The following SOX5 variants were observed in gnomAD, a reference collection of about 807,000 sequenced individuals.
The protein encoded by SOX5 is SRY-box transcription factor 5, also known as transcription factor SOX-5.
In SOX5, 9 loss-of-function variants were observed where a neutral mutation model predicts 92.0. The observed-to-expected ratio is 0.10, with a 90% confidence interval of 0.06 to 0.17. SOX5 has a LOEUF of 0.17. SOX5 is among the 10% of genes least tolerant of loss of function. The pLI is 1.00. For synonymous variants in SOX5, 344 were observed against 336.3 expected (o/e 1.02, Z -0.25); for missense variants, 642 against 944.5 (o/e 0.68, Z 4.20).
At chr12:24,242,995 A>G (rs1255647281) in intron 3 of SOX5, among the ~76,000 whole-genome samples, 1 of 142,004 alleles carries the variant, frequency 7.0e-6, no homozygotes, top group East Asian at 2.0e-4. Context: ...CAACAATTTT[A>G]AGTGAGTGAA....
chr12:24,252,449 A>G (rs554835697), intron 3 of SOX5, among the ~76,000 whole-genome samples: 2 of 152,206 alleles, frequency 1.3e-5, no homozygotes, highest in South Asian at 2.1e-4. Context: ...GAATGAAAAG[A>G]TTCGCTTTGG....
At chr12:24,225,501 T>TA (rs1961712815) in intron 3 of SOX5, among the ~76,000 whole-genome samples, 1 of 151,294 alleles carries the variant, frequency 6.6e-6, no homozygotes, top group South Asian at 2.1e-4. Flanking sequence ...TTTCCCCACT[T>TA]AGAGTTACAT....
chr12:23,727,780 G>T (rs1028759030), intron 6 of SOX5, among the ~76,000 whole-genome samples: 1 of 152,116 alleles, frequency 6.6e-6, no homozygotes, highest in Non-Finnish European at 1.5e-5. Flanking sequence ...ATACTAGGAG[G>T]AAGATTTTAA....
intron 9 of SOX5, among the ~76,000 whole-genome samples, chr12:23,585,891 G>A (rs1441858822): frequency 1.3e-5 from 2 of 152,094 alleles, no homozygotes; most frequent in African/African-American, 4.8e-5. Context: ...CAACGGCCAG[G>A]TAAACCCCAT....
chr12:23,846,068 A>G lies in SOX5; in HGVS notation c.396T>C (p.Pro132=), dbSNP rs143864592. 29 of 1,614,006 alleles carry G rather than the reference A, an allele frequency of 1.8e-5. No homozygotes were observed. Among genetic ancestry groups the G allele is most frequent in the South Asian group, 2.2e-5 (2 of 91,090 alleles). ...CAGCTAAACTGCCCTTGCGCCGTTCAGGAGTTCCCAGGGCTGTACTAGACA... is the reference window on the plus strand; with the variant it reads ...CAGCTAAACTGCCCTTGCGCCGTTCGGGAGTTCCCAGGGCTGTACTAGACA... The part of the protein sequence containing the change: ...ESLSSTALGT[P]ERRKGSLADV... Residue 132 remains proline, a synonymous_variant, in exon 3 of 15, where the codon CCT becomes CCC. Transcript: ENST00000451604.
chr12:24,552,978 G>A (rs1281683940), intron 1 of SOX5, among the ~76,000 whole-genome samples: 1 of 152,220 alleles, frequency 6.6e-6, no homozygotes, highest in Non-Finnish European at 1.5e-5. Flanking sequence ...GCTGCAGTGA[G>A]CCATGATTGT....
At chr12:23,949,748 CTCTCCCT>C, upstream of SOX5, 2 of 974,574 alleles carry the variant, frequency 2.1e-6, no homozygotes, top group Non-Finnish European at 1.5e-6. Context: ...CTCTCTCTCT[CTCTCCCT>C]CTCTCTCTCT....
At chr12:23,847,370 T>C (rs1387331180) in intron 2 of SOX5, among the ~76,000 whole-genome samples, 1 of 152,186 alleles carries the variant, frequency 6.6e-6, no homozygotes, top group Non-Finnish European at 1.5e-5. Context: ...ATTTCTTCTC[T>C]ACCTATTTGA....
rs75541069 is a variant in SOX5, at chr12:24,453,426, T to C, written c.-250-84787A>G. Among the ~76,000 whole-genome samples the C allele has an allele frequency of 2.3e-3, 346 of 152,342 alleles. 1 individual carries two copies. Among genetic ancestry groups the C allele is most frequent in the African/African-American group, 7.9e-3 (327 of 41,574 alleles). ...TATAAGCTAACCATAGCTTAATACT[T>C]AGGTAAAATACCTACACCAACCATT... On this transcript the variant is annotated intron_variant, in intron 1 of 4. Transcript: ENST00000446891.
chr12:23,592,906 C>G (rs1951775839), intron 9 of SOX5, among the ~76,000 whole-genome samples: 1 of 151,934 alleles, frequency 6.6e-6, no homozygotes, highest in Non-Finnish European at 1.5e-5. Flanking sequence ...TGGTGAAACC[C>G]CATCTCTACT....
At chr12:23,878,977 A>T (rs1434498487) in intron 2 of SOX5, among the ~76,000 whole-genome samples, 1 of 152,128 alleles carries the variant, frequency 6.6e-6, no homozygotes, top group Non-Finnish European at 1.5e-5. Context: ...GTTTGCCAGA[A>T]TCTTCTCCTG....
chr12:23,894,502 C>T (rs1044511873), intron 2 of SOX5, among the ~76,000 whole-genome samples: 6 of 152,104 alleles, frequency 3.9e-5, no homozygotes, highest in African/African-American at 9.7e-5. Flanking sequence ...GCTGGGATTA[C>T]AGGTGTGAGC....
intron 1 of SOX5, among the ~76,000 whole-genome samples, chr12:24,548,862 T>C (rs1952891147): frequency 6.6e-6 from 1 of 152,242 alleles, no homozygotes; most frequent in African/African-American, 2.4e-5. Context: ...ACAAATTTTA[T>C]TGTCCTGAGA....
At chr12:24,109,267 G>T (rs1179793689) in intron 4 of SOX5, among the ~76,000 whole-genome samples, 1 of 152,042 alleles carries the variant, frequency 6.6e-6, no homozygotes, top group Non-Finnish European at 1.5e-5. Context: ...AGTAGCATCA[G>T]GTTACATAGA....
At chr12:24,536,572 G>T (rs145923135) in intron 1 of SOX5, among the ~76,000 whole-genome samples, 151 of 152,220 alleles carry the variant, frequency 9.9e-4, no homozygotes, top group African/African-American at 3.2e-3. Context: ...ATACAGTTTA[G>T]ATAGTAAATA....
At chr12:23,567,312 C>A (rs1430055347) in intron 10 of SOX5, among the ~76,000 whole-genome samples, 2 of 151,974 alleles carry the variant, frequency 1.3e-5, no homozygotes, top group Non-Finnish European at 2.9e-5. Context: ...GTTTGGTGAA[C>A]CTCAGTCTTA....
At chr12:24,398,206 T>C (rs1023082783) in intron 1 of SOX5, among the ~76,000 whole-genome samples, 2 of 152,174 alleles carry the variant, frequency 1.3e-5, no homozygotes, top group South Asian at 4.1e-4. Context: ...GAATATTTCA[T>C]CAAAATTTGT....
intron 6 of SOX5, among the ~76,000 whole-genome samples, chr12:23,668,443 C>A (rs957290044): frequency 6.6e-6 from 1 of 152,134 alleles, no homozygotes; most frequent in African/African-American, 2.4e-5. Context: ...ATTTTCACTG[C>A]ACTGATGCTG....
chr12:24,059,590 G>A (rs1297683311), intron 4 of SOX5, among the ~76,000 whole-genome samples: 1 of 152,164 alleles, frequency 6.6e-6, no homozygotes, highest in Non-Finnish European at 1.5e-5. Flanking sequence ...CAGCAGGTGT[G>A]TGTGTGTGAT....
Sources: gnomAD v4.1 joint callset for allele counts (sites outside exome capture counted in the v4.1 genomes callset) on GRCh38, gnomAD v4.1.1 for gene constraint, MANE v1.5 for transcripts, NCBI Gene and HGNC (gene_info 2026-07-23, HGNC 2026-07-21) for gene names.